The following AFAP1L2 variants were observed in gnomAD, a reference collection of about 807,000 sequenced individuals.
AFAP1L2 encodes the protein actin filament associated protein 1 like 2.
Under a neutral mutation model 99.3 loss-of-function variants are expected in AFAP1L2, and 46 were observed. The observed-to-expected ratio is 0.46, with a 90% CI of 0.37 to 0.59. The LOEUF is 0.59. Ranked by LOEUF, AFAP1L2 falls within the 20% of genes least tolerant of loss-of-function variation. The pLI is 0.00. For missense variants in AFAP1L2, 959 were observed against 1,034.9 expected, an observed-to-expected ratio of 0.93 and a Z score of 1.01; for synonymous variants, 397 against 419.1, an observed-to-expected ratio of 0.95 and a Z score of 0.64.
At chr10:114,340,181 CAA>C (rs3061678) in intron 2 of AFAP1L2, among the ~76,000 whole-genome samples, 88,977 of 143,352 alleles carry the variant, frequency 0.62, 31,529 homozygotes, top group East Asian at 0.92. Context: ...AAAAAAAATA[CAA>C]AAAAAAAAAA....
the AFAP1L2 span, among the ~76,000 whole-genome samples, chr10:114,287,110 G>A: frequency 7.2e-5 from 11 of 152,304 alleles, no homozygotes; most frequent in Admixed American, 1.3e-4. Flanking sequence ...GACCCCTATT[G>A]GAAGGCACTC....
intron 2 of AFAP1L2, 53 bp downstream of exon 2, chr10:114,340,550 C>A (rs2048669196): frequency 1.3e-6 from 2 of 1,575,426 alleles, no homozygotes; most frequent in Admixed American, 3.7e-5. Context: ...CACTGACTCA[C>A]AACCATCTCT....
At chr10:114,350,371 A>G (rs777044446) in intron 1 of AFAP1L2, among the ~76,000 whole-genome samples, 5 of 152,162 alleles carry the variant, frequency 3.3e-5, no homozygotes, top group African/African-American at 1.2e-4. Context: ...TTTGTCCCCA[A>G]ATGAAATTGA....
chr10:114,379,107 G>A (rs2055222182), intron 1 of AFAP1L2, among the ~76,000 whole-genome samples: 1 of 152,086 alleles, frequency 6.6e-6, no homozygotes, highest in Admixed American at 6.6e-5. Context: ...CAGCTACTCA[G>A]GAGGCTGAGG....
intron 1 of AFAP1L2, among the ~76,000 whole-genome samples, chr10:114,346,112 A>AG (rs1255033476): frequency 6.6e-6 from 1 of 152,162 alleles, no homozygotes; most frequent in East Asian, 1.9e-4. Context: ...TGGCAGGTGA[A>AG]GGGGAAGCCC....
At chr10:114,338,179 G>A (rs952771866) in intron 2 of AFAP1L2, among the ~76,000 whole-genome samples, 1 of 152,196 alleles carries the variant, frequency 6.6e-6, no homozygotes, top group African/African-American at 2.4e-5. Flanking sequence ...CAGGGAAGGG[G>A]AAAGTCCTTG....
chr10:114,345,891 A>C (rs2049482213), intron 1 of AFAP1L2, among the ~76,000 whole-genome samples: 1 of 142,824 alleles, frequency 7.0e-6, no homozygotes, highest in Non-Finnish European at 1.5e-5. Context: ...AAGCCATCAG[A>C]CACCGTGGTG....
intron 1 of AFAP1L2, among the ~76,000 whole-genome samples, chr10:114,390,108 C>T (rs1293888752): frequency 6.6e-5 from 10 of 152,206 alleles, no homozygotes; most frequent in Admixed American, 2.0e-4. Flanking sequence ...TGGACTGCTT[C>T]GTGAATTTTG....
At chr10:114,302,054 A>C (rs1209509907) in intron 12 of AFAP1L2, 4 of 401,574 alleles carry the variant, frequency 1.0e-5, no homozygotes, top group African/African-American at 4.1e-5. Context: ...GGAGGTCAGG[A>C]AAGGTGACAG....
chr10:114,391,515 C>T (rs2057158311), intron 1 of AFAP1L2, among the ~76,000 whole-genome samples: 1 of 152,222 alleles, frequency 6.6e-6, no homozygotes, highest in African/African-American at 2.4e-5. Flanking sequence ...CCACTGGGCC[C>T]AACCAATTTG....
chr10:114,298,795 T>A (rs1388480032), intron 16 of AFAP1L2, among the ~76,000 whole-genome samples: 1 of 152,196 alleles, frequency 6.6e-6, no homozygotes, highest in Non-Finnish European at 1.5e-5. Flanking sequence ...GCAAGTATCT[T>A]AAGTTTTTGT....
At chr10:114,400,020 T>A (rs1266425200) in intron 1 of AFAP1L2, among the ~76,000 whole-genome samples, 1 of 152,136 alleles carries the variant, frequency 6.6e-6, no homozygotes, top group Non-Finnish European at 1.5e-5. Context: ...AGCCTGTGGG[T>A]CTCCAGGTTC....
In AFAP1L2 at chr10:114,299,351, C is replaced by G; in HGVS notation, c.2022G>C (p.Arg674Ser). The change falls in exon 16 of 19, where the codon AGG becomes AGC. Residue 674 changes from arginine to serine, a missense_variant. Arg to Ser is a moderately radical substitution (Grantham distance 110). Around this residue, in one of 2 missense-constraint regions of AFAP1L2, gnomAD observed 576 missense variants for 562.1 expected, o/e 1.02. Coordinates refer to ENST00000304129, the MANE Select transcript of AFAP1L2 (RefSeq NM_001001936.3). ...GGATTTCTTCCTTCTTCTTTTCAAG[C>G]CTCTCCTTCTCCTCTGTGTACCGCT... ...EVKRYTEEKE[R>S]LEKKKEEIRG... 8 of 1,614,234 alleles carry G rather than the reference C, an allele frequency of 5.0e-6. No individual in the cohort carries two copies. The highest frequency in any genetic ancestry group is 2.2e-5 in the East Asian group (1 of 44,884).
At chr10:114,381,199 G>A (rs1418858796) in intron 1 of AFAP1L2, among the ~76,000 whole-genome samples, 1 of 152,214 alleles carries the variant, frequency 6.6e-6, no homozygotes, top group Admixed American at 6.5e-5. Flanking sequence ...ATTAAGCCAT[G>A]AAAAGCAATG....
chr10:114,312,426 T>C (rs1021591559), intron 7 of AFAP1L2, among the ~76,000 whole-genome samples: 17 of 152,196 alleles, frequency 1.1e-4, no homozygotes, highest in African/African-American at 4.1e-4. Flanking sequence ...GTGTAGTGGG[T>C]GAGGCAGGAG....
intron 5 of AFAP1L2, among the ~76,000 whole-genome samples, chr10:114,320,382 GGGCTGGGGCCC>G (rs1469780979): frequency 6.6e-6 from 1 of 152,198 alleles, no homozygotes; most frequent in Non-Finnish European, 1.5e-5. Context: ...CTATAGCAAG[GGGCTGGGGCCC>G]CACGCCTATT....
At chr10:114,321,178 T>A (rs1015271335) in intron 5 of AFAP1L2, among the ~76,000 whole-genome samples, 1 of 152,190 alleles carries the variant, frequency 6.6e-6, no homozygotes, top group African/African-American at 2.4e-5. Context: ...CATTCTTTAA[T>A]GATGATTTCT....
chr10:114,336,030 A>C (rs1213782398), intron 2 of AFAP1L2, among the ~76,000 whole-genome samples: 7 of 152,198 alleles, frequency 4.6e-5, no homozygotes, highest in Non-Finnish European at 8.8e-5. Flanking sequence ...TATTGTTTTA[A>C]ATGTTGGATT....
chr10:114,305,570 G>A lies in AFAP1L2; in HGVS notation c.1073-640C>T, dbSNP rs1050233853. ...GCAGGAGGGGACACAGATGCAGGAG[G>A]GGGCGCAGATGCAGGAGGCGACGGG... On this transcript the variant is annotated intron_variant, in intron 10 of 18. Transcript: ENST00000304129. 5.4e-5 allele frequency among the ~76,000 whole-genome samples: 8 copies of A among 148,528 alleles called. 1 individual carries two copies. The highest frequency in any genetic ancestry group is 1.2e-4 in the Non-Finnish European group (8 of 67,194).
Sources: gnomAD v4.1 joint callset for allele counts (sites outside exome capture counted in the v4.1 genomes callset) on GRCh38, gnomAD v4.1.1 for gene constraint, gnomAD v4.1.1 regional missense constraint, MANE v1.5 for transcripts, NCBI Gene and HGNC (gene_info 2026-07-23, HGNC 2026-07-21) for gene names.